Variants in MTMR7 observed in about 807,000 individuals in gnomAD.
MTMR7 encodes the protein phosphatidylinositol-3-phosphate phosphatase MTMR7.
MTMR7 carries 76 observed loss-of-function variants against 81.2 expected under a neutral mutation model. The ratio of observed to expected loss-of-function variants is 0.94; its 90% CI spans 0.78 to 1.13. MTMR7 has a LOEUF of 1.13. Ranked by LOEUF, MTMR7 falls within the 50% of genes most tolerant of loss-of-function variation. The pLI, the probability that MTMR7 is intolerant of heterozygous loss-of-function variation, is 0.00. For missense variants in MTMR7, 1,044 were observed against 820.0 expected (o/e 1.27, Z -3.34); for synonymous variants, 372 against 289.8 (o/e 1.28, Z -2.88).
At chr8:17,396,823 T>G (rs1365429841) in intron 1 of MTMR7, among the ~76,000 whole-genome samples, 1 of 151,796 alleles carries the variant, frequency 6.6e-6, no homozygotes, top group South Asian at 2.1e-4. Context: ...TTCCTTCTGC[T>G]TGAGGAGAGG....
intron 6 of MTMR7, among the ~76,000 whole-genome samples, chr8:17,334,275 A>T (rs1781591472): frequency 6.6e-6 from 1 of 152,204 alleles, no homozygotes; most frequent in Admixed American, 6.5e-5. Flanking sequence ...AATTAATAAA[A>T]ATTCAATGTT....
intron 6 of MTMR7, among the ~76,000 whole-genome samples, chr8:17,340,339 C>T (rs967937969): frequency 6.6e-6 from 1 of 152,230 alleles, no homozygotes; most frequent in African/African-American, 2.4e-5. Flanking sequence ...GCTTACCATA[C>T]AAGGAGACAG....
In MTMR7 at chr8:17,300,102, A is replaced by G. The variant is rs1399915674; in HGVS notation, c.1743T>C (p.Asp581=). The G allele has an allele frequency of 1.2e-6, 2 of 1,614,076 alleles. No individual in the cohort carries two copies. The highest frequency in any genetic ancestry group is 1.1e-5 in the South Asian group (1 of 91,080). The change falls in exon 14 of 14, where the codon GAT becomes GAC. Residue 581 remains aspartate (D), a synonymous_variant. Transcript: ENST00000180173. ...SDNSIANTPQ[D]YSGNMKSFPS... Reference sequence around the variant, plus strand: ...GAAATGATTTCATATTCCCACTGTAATCCTGGGGAGTGTTGGCTATGCTGT... The same window carrying G: ...GAAATGATTTCATATTCCCACTGTAGTCCTGGGGAGTGTTGGCTATGCTGT...
At chr8:17,410,799 A>T (rs984917730) in intron 1 of MTMR7, among the ~76,000 whole-genome samples, 1 of 152,216 alleles carries the variant, frequency 6.6e-6, no homozygotes, top group Non-Finnish European at 1.5e-5. Context: ...GTCTACAGCG[A>T]GTGAATGACT....
At chr8:17,409,123 C>G (rs1191159646) in intron 1 of MTMR7, among the ~76,000 whole-genome samples, 1 of 152,072 alleles carries the variant, frequency 6.6e-6, no homozygotes, top group East Asian at 1.9e-4. Context: ...TACAACTGTA[C>G]AATGCACAAG....
intron 5 of MTMR7, 82 bp downstream of exon 5, chr8:17,348,871 C>T (rs1255934254): frequency 5.9e-6 from 9 of 1,530,888 alleles, no homozygotes; most frequent in East Asian, 2.3e-5. Context: ...CACACACGCA[C>T]AGCAGAAGGC....
At chr8:17,337,670 C>A (rs556525955) in intron 6 of MTMR7, among the ~76,000 whole-genome samples, 1 of 151,270 alleles carries the variant, frequency 6.6e-6, no homozygotes, top group African/African-American at 2.4e-5. Flanking sequence ...AGCTGCAGTG[C>A]AGTGGCACAA....
chr8:17,358,330 C>T (rs1382591761), intron 4 of MTMR7, among the ~76,000 whole-genome samples: 2 of 151,998 alleles, frequency 1.3e-5, no homozygotes, highest in Non-Finnish European at 2.9e-5. Context: ...ATATGTGAAA[C>T]TGACAAAAAG....
chr8:17,388,135 C>G (rs1252005198), intron 1 of MTMR7, among the ~76,000 whole-genome samples: 1 of 152,142 alleles, frequency 6.6e-6, no homozygotes, highest in African/African-American at 2.4e-5. Context: ...AATAAAAATT[C>G]AGGCACTTGA....
chr8:17,313,854 A>T (rs1817920519), intron 7 of MTMR7, among the ~76,000 whole-genome samples: 1 of 152,210 alleles, frequency 6.6e-6, no homozygotes, highest in Non-Finnish European at 1.5e-5. Context: ...ACTGTTGTAA[A>T]AACACAAGAC....
intron 3 of MTMR7, among the ~76,000 whole-genome samples, chr8:17,364,066 G>T: frequency 9.0e-6 from 1 of 111,130 alleles, no homozygotes; most frequent in African/African-American, 3.6e-5. Context: ...GTCTCGCTCT[G>T]TCGCCCAGGC....
At chr8:17,389,604 T>C (rs773415415) in intron 1 of MTMR7, among the ~76,000 whole-genome samples, 3 of 152,294 alleles carry the variant, frequency 2.0e-5, no homozygotes, top group Admixed American at 6.5e-5. Context: ...TTAACAGTAC[T>C]ATGGTAAAAA....
At chr8:17,404,386 T>C (rs1207917445) in intron 1 of MTMR7, among the ~76,000 whole-genome samples, 1 of 152,112 alleles carries the variant, frequency 6.6e-6, no homozygotes, top group Non-Finnish European at 1.5e-5. Flanking sequence ...ATTAGTTCAG[T>C]TTGGGACATA....
chr8:17,314,097 A>G (rs1031281641), intron 7 of MTMR7, among the ~76,000 whole-genome samples: 18 of 152,198 alleles, frequency 1.2e-4, no homozygotes, highest in African/African-American at 3.9e-4. Context: ...ATAATATTAT[A>G]AACCACCAAC....
At position 17,393,596 on chromosome 8, in the gene MTMR7, G is replaced by T. The variant is rs370613636; in HGVS notation, c.24+19673C>A. 8.3e-4 allele frequency among the ~76,000 whole-genome samples: 126 copies of T among 152,216 alleles called. 1 individual carries two copies. The highest frequency in any genetic ancestry group is 2.7e-3 in the African/African-American group (112 of 41,540). The stretch of plus-strand genomic sequence containing the variant: ...TGTCATCCTCAGCAAACAAATGCAG[G>T]AACAGAAAACCAAACATTGCATGTT... On this transcript the variant is annotated intron_variant, in intron 1 of 13. Transcript: ENST00000180173.
chr8:17,352,433 A>G (rs764278592), intron 4 of MTMR7, among the ~76,000 whole-genome samples: 6 of 152,214 alleles, frequency 3.9e-5, no homozygotes, highest in Non-Finnish European at 8.8e-5. Context: ...ATCTTGTACT[A>G]TATAAAAAAA....
chr8:17,382,205 G>T (rs1222318990), intron 1 of MTMR7, among the ~76,000 whole-genome samples: 1 of 152,210 alleles, frequency 6.6e-6, no homozygotes, highest in Non-Finnish European at 1.5e-5. Flanking sequence ...AGCCTCTGAA[G>T]CTGGCCCAGA....
At chr8:17,413,179 A>G (rs891377404) in intron 1 of MTMR7, 90 bp downstream of exon 1, 30 of 1,445,766 alleles carry the variant, frequency 2.1e-5, no homozygotes, top group African/African-American at 4.2e-5. Flanking sequence ...GGTGCCCCTC[A>G]AAGCAGTCGG....
chr8:17,360,280 T>C (rs1234464343), intron 4 of MTMR7, among the ~76,000 whole-genome samples: 3 of 152,178 alleles, frequency 2.0e-5, no homozygotes, highest in African/African-American at 7.2e-5. Context: ...ATTGGCCAGA[T>C]ATAATAACAG....
Sources: gnomAD v4.1 joint callset for allele counts (sites outside exome capture counted in the v4.1 genomes callset) on GRCh38, gnomAD v4.1.1 for gene constraint, MANE v1.5 for transcripts, NCBI Gene and HGNC (gene_info 2026-07-23, HGNC 2026-07-21) for gene names.